Variants in CNTN4 observed in about 807,000 individuals in gnomAD.
CNTN4 encodes contactin 4.
Under a neutral mutation model 122.5 loss-of-function variants are expected in CNTN4, and 77 were observed. That is an observed-to-expected ratio of 0.63 (90% CI 0.52 to 0.76). The LOEUF (loss-of-function observed/expected upper bound fraction) is 0.76. Ranked by LOEUF, CNTN4 falls within the 30% of genes least tolerant of loss-of-function variation. The pLI, the probability that CNTN4 is intolerant of heterozygous loss-of-function variation, is 0.00. For synonymous variants in CNTN4, 512 were observed against 447.0 expected (o/e 1.15, Z -1.83); for missense variants, 1,256 against 1,259.1 (o/e 1.00, Z 0.04).
At chr3:2,431,866 A>G (rs1324859700) in intron 3 of CNTN4, among the ~76,000 whole-genome samples, 1 of 152,174 alleles carries the variant, frequency 6.6e-6, no homozygotes, top group African/African-American at 2.4e-5. Context: ...CAAGGAGGTT[A>G]TTTATGAAGT....
intron 2 of CNTN4, among the ~76,000 whole-genome samples, chr3:2,243,808 A>C (rs1303914089): frequency 6.6e-6 from 1 of 152,082 alleles, no homozygotes; most frequent in Admixed American, 6.6e-5. Context: ...TCAGACTCGC[A>C]TTTGATAGAG....
At chr3:2,780,865 A>G (rs1223836654) in intron 6 of CNTN4, among the ~76,000 whole-genome samples, 1 of 152,244 alleles carries the variant, frequency 6.6e-6, no homozygotes, top group Admixed American at 6.5e-5. Context: ...CCTGCATTAT[A>G]CGTTTTAGAT....
Position 2,507,586 on chromosome 3 carries a change from T to C in CNTN4, c.-88-63830T>C, listed in dbSNP as rs559418094. On this transcript the variant is annotated intron_variant, in intron 3 of 24. Transcript: ENST00000418658. ...CCGTCTCTACTAAAAATACAAAAAA[T>C]TAGCCAGGCATAGTGGCAGGCGCCT... 4.8e-3 allele frequency among the ~76,000 whole-genome samples: 734 copies of C among 151,624 alleles called. 11 individuals carry two copies. The highest frequency in any genetic ancestry group is 0.017 in the African/African-American group (696 of 41,330).
At chr3:2,261,390 C>T (rs1485891026) in intron 2 of CNTN4, among the ~76,000 whole-genome samples, 4 of 152,166 alleles carry the variant, frequency 2.6e-5, no homozygotes, top group Admixed American at 6.5e-5. Flanking sequence ...GGATATGTTA[C>T]TGCATGTGCT....
chr3:2,300,675 G>A (rs1020070561), intron 2 of CNTN4, among the ~76,000 whole-genome samples: 3 of 145,216 alleles, frequency 2.1e-5, no homozygotes, highest in South Asian at 2.3e-4. Context: ...GGGTTCAAGC[G>A]ATTTCCCTGC....
chr3:2,885,435 T>C (rs2093962025), intron 9 of CNTN4, among the ~76,000 whole-genome samples: 1 of 152,184 alleles, frequency 6.6e-6, no homozygotes, highest in South Asian at 2.1e-4. Context: ...CTGCTGTAAG[T>C]TGGTAAGGTT....
chr3:2,454,003 G>A (rs538669765), intron 3 of CNTN4, among the ~76,000 whole-genome samples: 1 of 151,688 alleles, frequency 6.6e-6, no homozygotes, highest in South Asian at 2.1e-4. Context: ...CTTGTTGCAT[G>A]GATATCCTCA....
intron 7 of CNTN4, among the ~76,000 whole-genome samples, chr3:2,832,942 C>A (rs757492489): frequency 6.6e-6 from 1 of 152,064 alleles, no homozygotes; most frequent in Non-Finnish European, 1.5e-5. Flanking sequence ...AATAAAATAT[C>A]TACACTATGT....
intron 2 of CNTN4, among the ~76,000 whole-genome samples, chr3:2,328,401 G>T (rs375361702): frequency 2.6e-5 from 4 of 151,948 alleles, no homozygotes; most frequent in Non-Finnish European, 4.4e-5. Context: ...GCGAGACTCC[G>T]TCTCAAAAAA....
intron 14 of CNTN4, chr3:2,988,818 ATT>A: frequency 3.5e-6 from 1 of 288,892 alleles, no homozygotes; most frequent in South Asian, 3.8e-5. Context: ...ATTCCAACAA[ATT>A]AAAAACTCAA....
At chr3:2,400,439 A>G (rs1348506387) in intron 3 of CNTN4, among the ~76,000 whole-genome samples, 1 of 136,168 alleles carries the variant, frequency 7.3e-6, no homozygotes, top group Non-Finnish European at 1.6e-5. Context: ...ATATATATAT[A>G]TATATATATA....
At chr3:2,803,645 C>T (rs1412072643) in intron 6 of CNTN4, among the ~76,000 whole-genome samples, 5 of 151,732 alleles carry the variant, frequency 3.3e-5, no homozygotes, top group South Asian at 2.1e-4. Context: ...CTGCAACATC[C>T]GCCTCCTGGG....
chr3:3,026,841 A>G (rs1698762169), intron 15 of CNTN4, among the ~76,000 whole-genome samples: 1 of 152,146 alleles, frequency 6.6e-6, no homozygotes, highest in Non-Finnish European at 1.5e-5. Context: ...CCTTTCCATA[A>G]CGGTATATTA....
intron 3 of CNTN4, among the ~76,000 whole-genome samples, chr3:2,436,491 T>C (rs1437937750): frequency 6.6e-6 from 1 of 152,106 alleles, no homozygotes; most frequent in Non-Finnish European, 1.5e-5. Flanking sequence ...ATAATGTTAG[T>C]ATTTTCTCTT....
intron 6 of CNTN4, among the ~76,000 whole-genome samples, chr3:2,784,678 T>G (rs1330151026): frequency 3.3e-5 from 5 of 152,194 alleles, no homozygotes; most frequent in Non-Finnish European, 7.3e-5. Context: ...AGCAGAGTTG[T>G]GGTGGCCGAC....
At chr3:2,648,407 T>C (rs556633414) in intron 4 of CNTN4, among the ~76,000 whole-genome samples, 2 of 152,342 alleles carry the variant, frequency 1.3e-5, no homozygotes, top group East Asian at 1.9e-4. Context: ...ATGTGCTTAC[T>C]TTGTATCTCA....
intron 13 of CNTN4, among the ~76,000 whole-genome samples, chr3:2,969,771 G>A (rs1239441966): frequency 2.6e-5 from 4 of 151,996 alleles, no homozygotes; most frequent in African/African-American, 9.7e-5. Flanking sequence ...TTTATTGTTG[G>A]GGAAGGCTAA....
chr3:2,203,382 A>G (rs1005361506), intron 2 of CNTN4, among the ~76,000 whole-genome samples: 2 of 152,220 alleles, frequency 1.3e-5, no homozygotes, highest in Admixed American at 6.6e-5. Context: ...TGCTACTATG[A>G]TGTTGTTATG....
chr3:2,983,995 C>G (rs1354775981), intron 13 of CNTN4, among the ~76,000 whole-genome samples: 1 of 152,302 alleles, frequency 6.6e-6, no homozygotes, highest in African/African-American at 2.4e-5. Flanking sequence ...TCTTACTTAC[C>G]TCTTTGCAAA....
Sources: gnomAD v4.1 joint callset for allele counts (sites outside exome capture counted in the v4.1 genomes callset) on GRCh38, gnomAD v4.1.1 for gene constraint, MANE v1.5 for transcripts, NCBI Gene and HGNC (gene_info 2026-07-23, HGNC 2026-07-21) for gene names.